The following PCSK5 variants were observed in gnomAD, a reference collection of about 807,000 sequenced individuals.
PCSK5 encodes the protein prohormone convertase 5.
PCSK5 carries 129 observed loss-of-function variants against 233.2 expected under a neutral mutation model. The ratio of observed to expected loss-of-function variants is 0.55; its 90% CI spans 0.48 to 0.64. The LOEUF (loss-of-function observed/expected upper bound fraction) is 0.64. PCSK5 is among the 30% of genes least tolerant of loss of function. PCSK5 has a pLI of 0.00. For synonymous variants in PCSK5, 825 were observed against 879.2 expected (o/e 0.94, Z 1.09); for missense variants, 2,076 against 2,430.1 (o/e 0.85, Z 3.06).
At chr9:76,318,207 A>G (rs1007129071) in intron 30 of PCSK5, among the ~76,000 whole-genome samples, 3 of 152,122 alleles carry the variant, frequency 2.0e-5, no homozygotes, top group Non-Finnish European at 2.9e-5. Context: ...TCAGCAAACT[A>G]ACACAGGAAC....
At chr9:76,354,352 C>A in intron 37 of PCSK5, 133 bp downstream of exon 37, 2 of 658,414 alleles carry the variant, frequency 3.0e-6, no homozygotes, top group Non-Finnish European at 5.2e-6. Flanking sequence ...CTACTATGGG[C>A]CTACTGTACT....
intron 24 of PCSK5, among the ~76,000 whole-genome samples, chr9:76,247,609 C>T (rs1392771984): frequency 6.6e-6 from 1 of 152,120 alleles, no homozygotes; most frequent in African/African-American, 2.4e-5. Context: ...CCAGCTAGTC[C>T]TGTCTCTCAC....
chr9:76,089,160 C>T (rs933124075), intron 7 of PCSK5, among the ~76,000 whole-genome samples: 7 of 152,064 alleles, frequency 4.6e-5, no homozygotes, highest in Non-Finnish European at 7.4e-5. Context: ...CCCCTTTATC[C>T]AGGTAATATG....
chr9:76,102,725 C>T (rs1831814799), intron 8 of PCSK5, among the ~76,000 whole-genome samples: 1 of 152,152 alleles, frequency 6.6e-6, no homozygotes, highest in African/African-American at 2.4e-5. Context: ...CACATATGCA[C>T]ACATAATTTT....
chr9:76,067,191 G>A (rs1830317842), intron 5 of PCSK5, among the ~76,000 whole-genome samples: 1 of 152,168 alleles, frequency 6.6e-6, no homozygotes, highest in Admixed American at 6.5e-5. Flanking sequence ...TCAGCTAAAA[G>A]ATGTCTCTAA....
intron 5 of PCSK5, among the ~76,000 whole-genome samples, chr9:76,051,713 C>T (rs1587553848): frequency 6.6e-6 from 1 of 152,148 alleles, no homozygotes; most frequent in Non-Finnish European, 1.5e-5. Context: ...CACCTGAGAA[C>T]AGACCTAAAG....
At chr9:75,892,519 C>A (rs1825655471) in intron 1 of PCSK5, among the ~76,000 whole-genome samples, 1 of 152,228 alleles carries the variant, frequency 6.6e-6, no homozygotes, top group Non-Finnish European at 1.5e-5. Context: ...TTCCAGCAGG[C>A]GCGCTTTGGG....
intron 24 of PCSK5, among the ~76,000 whole-genome samples, chr9:76,284,366 G>A (rs1827986693): frequency 6.6e-6 from 1 of 152,038 alleles, no homozygotes; most frequent in Non-Finnish European, 1.5e-5. Flanking sequence ...TAGTGAATAA[G>A]TTTCATGAGA....
intron 7 of PCSK5, among the ~76,000 whole-genome samples, chr9:76,084,985 G>A (rs982553786): frequency 6.6e-6 from 1 of 152,160 alleles, no homozygotes; most frequent in Non-Finnish European, 1.5e-5. Context: ...AGCCAGTTGA[G>A]GTGGGCATGG....
chr9:75,897,598 A>G (rs532922098), intron 1 of PCSK5, among the ~76,000 whole-genome samples: 1 of 145,694 alleles, frequency 6.9e-6, no homozygotes, highest in South Asian at 2.1e-4. Flanking sequence ...GGCACAAGTG[A>G]TTCTCCTGCC....
intron 5 of PCSK5, among the ~76,000 whole-genome samples, chr9:76,041,469 A>G (rs1829112806): frequency 6.6e-6 from 1 of 152,190 alleles, no homozygotes; most frequent in Non-Finnish European, 1.5e-5. Context: ...CTTCTCCTTT[A>G]TCTAAAACTT....
At chr9:75,942,443 A>G (rs971826205) in intron 2 of PCSK5, among the ~76,000 whole-genome samples, 3 of 152,308 alleles carry the variant, frequency 2.0e-5, no homozygotes, top group Non-Finnish European at 2.9e-5. Context: ...TGGCCACACA[A>G]TATTAGTTCT....
At chr9:76,152,589 C>T (rs1823718494) in intron 10 of PCSK5, among the ~76,000 whole-genome samples, 1 of 152,120 alleles carries the variant, frequency 6.6e-6, no homozygotes, top group African/African-American at 2.4e-5. Flanking sequence ...CAGTCAATTC[C>T]TTATAGAGTG....
Position 76,188,670 on chromosome 9 carries a change from G to T in PCSK5, c.2375G>T (p.Cys792Phe). 6.2e-7 allele frequency: 1 copy of T among 1,611,618 alleles called. No individual in the cohort carries two copies. The highest frequency in any genetic ancestry group is 8.5e-7 in the Non-Finnish European group (1 of 1,177,840). Reference protein sequence around the residue: ...CQPCHRFCATCAGAGADGCIN... With the variant: ...CQPCHRFCATFAGAGADGCIN... The stretch of plus-strand genomic sequence containing the variant: ...CCCTGCCACCGCTTCTGCGCCACTT[G>T]TGCTGGTACCTTCCCTAGTTCTTTT... Residue 792 changes from cysteine (C) to phenylalanine (F), a missense_variant, in exon 18 of 38, where the codon TGT (cysteine) becomes TTT (phenylalanine). Transcript: ENST00000674117.
chr9:76,116,932 T>C (rs1832447620), intron 9 of PCSK5, among the ~76,000 whole-genome samples: 1 of 152,130 alleles, frequency 6.6e-6, no homozygotes, highest in Admixed American at 6.6e-5. Flanking sequence ...TTCCCTACAG[T>C]TATTCAAAAG....
At chr9:75,926,030 T>G (rs78380039) in intron 1 of PCSK5, among the ~76,000 whole-genome samples, 2,603 of 152,264 alleles carry the variant, frequency 0.017, 37 homozygotes, top group South Asian at 0.034. Flanking sequence ...GACTTGGTTC[T>G]CCCCCATCTC....
chr9:76,307,975 ATCACCTGAGGTCAAGAGT>A (rs1828754420), intron 28 of PCSK5, among the ~76,000 whole-genome samples: 1 of 152,122 alleles, frequency 6.6e-6, no homozygotes, highest in Non-Finnish European at 1.5e-5. Context: ...AGGCGGGTGG[ATCACCTGAGGTCAAGAGT>A]TCAAGACCAG....
chr9:76,152,324 G>A (rs1823708378), intron 10 of PCSK5, among the ~76,000 whole-genome samples: 1 of 152,192 alleles, frequency 6.6e-6, no homozygotes, highest in African/African-American at 2.4e-5. Flanking sequence ...TGGTCATAAG[G>A]AATAGGAGAT....
intron 23 of PCSK5, among the ~76,000 whole-genome samples, chr9:76,240,102 G>A (rs1052034104): frequency 2.0e-5 from 3 of 152,122 alleles, no homozygotes; most frequent in Admixed American, 6.6e-5. Context: ...AGAATGCCAC[G>A]GACTGTTATT....
Sources: allele counts gnomAD v4.1 joint callset (sites outside exome capture counted in the v4.1 genomes callset), GRCh38; gene constraint gnomAD v4.1.1; transcripts MANE v1.5; gene names NCBI Gene and HGNC (gene_info 2026-07-23, HGNC 2026-07-21).